Variants in ACLY observed in about 807,000 individuals in gnomAD.
ACLY encodes the protein ATP-citrate synthase.
Under a neutral mutation model 133.0 loss-of-function variants are expected in ACLY, and 41 were observed. The observed-to-expected ratio is 0.31, with a 90% CI of 0.24 to 0.40. The LOEUF (loss-of-function observed/expected upper bound fraction) is 0.40, where lower values mean the gene tolerates loss of function less well. Ranked by LOEUF, ACLY falls within the 10% of genes least tolerant of loss-of-function variation. The probability of loss-of-function intolerance (pLI) is 1.00; values close to 1 mark genes in which losing one functional copy is unlikely to be tolerated. For synonymous variants in ACLY, 495 were observed against 549.3 expected, an observed-to-expected ratio of 0.90 and a Z score of 1.38; for missense variants, 1,046 against 1,453.8, an observed-to-expected ratio of 0.72 and a Z score of 4.56.
chr17:41,913,606 TG>T, intron 2 of ACLY, 108 bp downstream of exon 2: 1 of 1,203,334 alleles, frequency 8.3e-7, no homozygotes, highest in Non-Finnish European at 1.2e-6. Context: ...CAGCTGCTGC[TG>T]GCAGCCTCCA....
chr17:41,872,152 C>T lies in ACLY; in HGVS notation c.2673G>A (p.Glu891=). The T allele has an allele frequency of 6.2e-7, 1 of 1,613,968 alleles. No homozygotes were observed. Among genetic ancestry groups the T allele is most frequent in the Non-Finnish European group, 8.5e-7 (1 of 1,180,016 alleles). The change falls in exon 24 of 29, where the codon GAG becomes GAA. Residue 891 remains glutamate, a synonymous_variant. Transcript: ENST00000352035. ...RLPKYSCQFI[E]MCLMVTADHG... ...GATCAGCTGTCACCATCAGACACAT[C>T]TCAATGAACTGGCAAGAGTACTTAG...
intron 8 of ACLY, 133 bp from the exon 9 acceptor site, chr17:41,905,791 C>A (rs782813427): frequency 4.2e-5 from 45 of 1,068,778 alleles, no homozygotes; most frequent in Non-Finnish European, 6.3e-5. Flanking sequence ...GGATCTCCAG[C>A]CCCCAATTCC....
rs749822422 is a variant in ACLY at position 41,867,621 on chromosome 17, G to A, written c.*189C>T. On this transcript the variant is annotated 3_prime_UTR_variant, in exon 29 of 29. Coordinates refer to ENST00000352035, the MANE Select transcript of ACLY (RefSeq NM_001096.3). The stretch of plus-strand genomic sequence containing the variant: ...ATTTCTATGCTTATAAAAAAAATAT[G>A]AAGCTTCTTTGTGTGGACTGAAGGG... 1 of 405,682 alleles carries A rather than the reference G, an allele frequency of 2.5e-6. No homozygotes were observed. The highest frequency in any genetic ancestry group is 4.4e-6 in the Non-Finnish European group (1 of 227,664). The allele number at this position is 405,682 out of a possible 1,614,324, so 25.1% of individuals were successfully genotyped here. A position where few individuals can be genotyped will look rare whatever the true frequency, so the allele number is the denominator to read the frequency against.
intron 16 of ACLY, among the ~76,000 whole-genome samples, chr17:41,889,753 T>C (rs1217057726): frequency 6.6e-6 from 1 of 151,590 alleles, no homozygotes; most frequent in Non-Finnish European, 1.5e-5. Context: ...TAGCACGACC[T>C]TGGCTCACTG....
chr17:41,904,702 A>G (rs782217878), intron 10 of ACLY, 27 bp downstream of exon 10: 1 of 1,610,230 alleles, frequency 6.2e-7, no homozygotes, highest in African/African-American at 1.3e-5. Context: ...CTTTCCCCAG[A>G]AACTGCACCA....
intron 14 of ACLY, among the ~76,000 whole-genome samples, chr17:41,895,451 A>G (rs2144326045): frequency 6.6e-6 from 1 of 152,162 alleles, no homozygotes; most frequent in East Asian, 1.9e-4. Context: ...TCAGCCCACC[A>G]GCAGCAGAGA....
At chr17:41,910,120 T>C (rs536942996) in intron 4 of ACLY, 102 bp downstream of exon 4, 6 of 1,228,176 alleles carry the variant, frequency 4.9e-6, no homozygotes, top group Non-Finnish European at 6.9e-6. Flanking sequence ...CCCTGGTCCC[T>C]CTGACTGTCC....
intron 14 of ACLY, among the ~76,000 whole-genome samples, chr17:41,895,016 G>A (rs988615693): frequency 1.3e-5 from 2 of 152,128 alleles, no homozygotes; most frequent in Non-Finnish European, 2.9e-5. Flanking sequence ...GGGATTTACT[G>A]TCACCTAGAC....
At chr17:41,914,590 T>C (rs1450231872) in intron 1 of ACLY, among the ~76,000 whole-genome samples, 1 of 152,208 alleles carries the variant, frequency 6.6e-6, no homozygotes, top group Admixed American at 6.5e-5. Flanking sequence ...ATCCTGAGTA[T>C]GGAGCAGACA....
At position 41,877,972 on chromosome 17, in the gene ACLY, C is replaced by T. The variant is rs2048806980; in HGVS notation, c.2487+131G>A. 8.9e-6 allele frequency: 4 copies of T among 449,894 alleles called. No homozygotes were observed. In the South Asian group the frequency reaches 2.1e-4, roughly 23 times the overall value. The allele number at this position is 449,894 out of a possible 1,614,324, so 27.9% of individuals were successfully genotyped here. On this transcript the variant is annotated intron_variant, in intron 22 of 28. Coordinates refer to ENST00000352035, the MANE Select transcript of ACLY (RefSeq NM_001096.3). The stretch of plus-strand genomic sequence containing the variant: ...ATATATATATCCTATTAGTTCTGTC[C>T]CTCTAAGAGATCCCCGACTAATACA...
chr17:41,895,523 C>T (rs1231496598), intron 14 of ACLY, among the ~76,000 whole-genome samples: 1 of 152,226 alleles, frequency 6.6e-6, no homozygotes, highest in Non-Finnish European at 1.5e-5. Flanking sequence ...CCTCTGGCCT[C>T]GCTGAGGGGA....
In ACLY at chr17:41,892,443, C is replaced by A; in HGVS notation, c.1606G>T (p.Asp536Tyr). 6.2e-7 allele frequency: 1 copy of A among 1,613,108 alleles called. No homozygotes were observed. The highest frequency in any genetic ancestry group is 1.1e-5 in the South Asian group (1 of 90,956). The change falls in exon 16 of 29, where the codon GAC becomes TAC. Residue 536 changes from aspartate to tyrosine, a missense_variant. Physicochemically the swap from Asp to Tyr is radical, Grantham distance 160 (BLOSUM62 -3). Around this residue, in one of 4 missense-constraint regions of ACLY, gnomAD observed 575 missense variants for 804.2 expected, o/e 0.71. Transcript: ENST00000352035. ...VAAMVYPFTG[D>Y]HKQKFYWGHK... ...CCCCAGTAAAACTTCTGCTTGTGGT[C>A]CCCACTGTGAGAAAGTAAAAGAAGA...
upstream of ACLY, among the ~76,000 whole-genome samples, chr17:41,919,501 A>G (rs987082503): frequency 6.6e-6 from 1 of 151,770 alleles, no homozygotes; most frequent in Non-Finnish European, 1.5e-5. Context: ...TCCTCCCTGG[A>G]CTCTCCCCAC....
intron 3 of ACLY, 78 bp from the exon 4 acceptor site, chr17:41,910,362 G>C (rs2049865873): frequency 7.5e-7 from 1 of 1,330,144 alleles, no homozygotes; most frequent in Admixed American, 2.0e-5. Context: ...GACTGCACAG[G>C]GGTGGTGCCC....
intron 12 of ACLY, among the ~76,000 whole-genome samples, chr17:41,898,356 G>A (rs782279531): frequency 2.6e-5 from 4 of 152,094 alleles, no homozygotes; most frequent in African/African-American, 9.7e-5. Flanking sequence ...CAGGTGATCC[G>A]CCAGCCTCGG....
chr17:41,874,911 T>TTG (rs1291321619), intron 22 of ACLY, among the ~76,000 whole-genome samples: 2 of 122,062 alleles, frequency 1.6e-5, no homozygotes, highest in Admixed American at 8.9e-5. Flanking sequence ...GAAGCATTCC[T>TTG]TGTGTTATAG....
At chr17:41,916,330 C>T (rs1250465810) in intron 1 of ACLY, among the ~76,000 whole-genome samples, 2 of 151,772 alleles carry the variant, frequency 1.3e-5, no homozygotes, top group Admixed American at 6.6e-5. Context: ...AGAGATAAAT[C>T]GCAACTTTAG....
chr17:41,907,364 G>C, intron 7 of ACLY, 78 bp downstream of exon 7: 2 of 1,414,340 alleles, frequency 1.4e-6, no homozygotes, highest in South Asian at 2.5e-5. Flanking sequence ...ATGAAGGGGG[G>C]CCAAATGCAC....
upstream of ACLY, among the ~76,000 whole-genome samples, chr17:41,921,932 G>A (rs1391793888): frequency 1.5e-4 from 23 of 151,930 alleles, no homozygotes; most frequent in East Asian, 5.8e-4. Context: ...ACGGTGGCTC[G>A]AGCCTGTAAT....
Sources: gnomAD v4.1 joint callset for allele counts (sites outside exome capture counted in the v4.1 genomes callset) on GRCh38, gnomAD v4.1.1 for gene constraint, gnomAD v4.1.1 regional missense constraint, MANE v1.5 for transcripts, NCBI Gene and HGNC (gene_info 2026-07-23, HGNC 2026-07-21) for gene names.